AKAP8L: variants seen among roughly 807,000 people sequenced by gnomAD.
AKAP8L encodes A-kinase anchor protein 8-like.
In AKAP8L, 34 loss-of-function variants were observed where a neutral mutation model predicts 77.5. The observed-to-expected ratio is 0.44, with a 90% CI of 0.33 to 0.58. The LOEUF is 0.58. Ranked by LOEUF, AKAP8L falls within the 20% of genes least tolerant of loss-of-function variation. The pLI is 0.02. For synonymous variants in AKAP8L, 342 were observed against 340.7 expected (o/e 1.00, Z -0.04); for missense variants, 806 against 887.6 (o/e 0.91, Z 1.17).
intron 1 of AKAP8L, among the ~76,000 whole-genome samples, chr19:15,416,590 C>T (rs1051344613): frequency 3.3e-5 from 5 of 152,192 alleles, no homozygotes; most frequent in Non-Finnish European, 7.3e-5. Flanking sequence ...CTAAATGTAA[C>T]CTCATGATAT....
intron 1 of AKAP8L, among the ~76,000 whole-genome samples, chr19:15,411,532 G>A (rs566515318): frequency 6.6e-6 from 1 of 152,148 alleles, no homozygotes; most frequent in East Asian, 1.9e-4. Context: ...GCTGAGGTGG[G>A]AGTGTCACTT....
rs775633147 is a variant in AKAP8L, at chr19:15,399,458, G to A, written c.1049-48C>T. On this transcript the variant is annotated intron_variant, in intron 8 of 13. Transcript: ENST00000397410. The surrounding 1 kb of genome is among the most constrained non-coding windows in gnomAD (Gnocchi z 6.1). ...TCACCAATTTGGCTCTGCCAGGACA[G>A]GGCAGGCCCTGCGGCCTCTGGCTGA... 7.0e-7 allele frequency: 1 copy of A among 1,438,664 alleles called. No individual in the cohort carries two copies. The highest frequency in any genetic ancestry group is 1.4e-5 in the African/African-American group (1 of 71,656). 89.1% of individuals were successfully genotyped at this position (1,438,664 alleles called of 1,614,324 possible).
Position 15,410,579 on chromosome 19 carries a change from G to C in AKAP8L, c.29C>G (p.Ser10Cys). The C allele has an allele frequency of 6.3e-7, 1 of 1,593,168 alleles. No individual in the cohort carries two copies. The highest frequency in any genetic ancestry group is 1.1e-5 in the South Asian group (1 of 86,998). ...GTATGTCGACTGCAAAGTGGTTTCA[G>C]ATCCCTGGACAAAGCCTAAACATAA... The part of the protein sequence containing the change: MSYTGFVQG[S>C]ETTLQSTYSD... The change falls in exon 2 of 14, where the codon TCT becomes TGT. Residue 10 changes from serine to cysteine, a missense_variant. Transcript: ENST00000397410.
rs34186640 is a variant in AKAP8L at position 15,399,958 on chromosome 19, C to T, written c.1048+337G>A. 1,827 of 424,472 alleles carry T rather than the reference C, an allele frequency of 4.3e-3. 5 individuals carry two copies. Among genetic ancestry groups the T allele is most frequent in the Middle Eastern group, 0.016 (24 of 1,494 alleles). 26.3% of individuals were successfully genotyped at this position (424,472 alleles called of 1,614,324 possible). Reference sequence around the variant, plus strand: ...CCGAGGGTCCCAGATCGGACACCAGCCACTGAGGACTTGGAACTGCGCGTT... The same window carrying T: ...CCGAGGGTCCCAGATCGGACACCAGTCACTGAGGACTTGGAACTGCGCGTT... On this transcript the variant is annotated intron_variant, in intron 8 of 13. Coordinates refer to ENST00000397410, the MANE Select transcript of AKAP8L (RefSeq NM_014371.4). This position sits in a 1 kb window ranked among gnomAD's most constrained non-coding sequence, Gnocchi z 6.1.
At position 15,401,807 on chromosome 19, in the gene AKAP8L, C is replaced by T. The variant is rs1468961414; in HGVS notation, c.363-204G>A. On this transcript the variant is annotated intron_variant, in intron 4 of 13. Transcript: ENST00000397410. This position sits in a 1 kb window ranked among gnomAD's most constrained non-coding sequence, Gnocchi z 6.2. ...TGCCCCAAACTTGAATGTAGCCACA[C>T]ACTGGCTTGGGGACCCTAAGAAGGA... Among the ~76,000 whole-genome samples, 1 of 152,238 alleles carries T rather than the reference C, an allele frequency of 6.6e-6. No individual in the cohort carries two copies. The highest frequency in any genetic ancestry group is 1.5e-5 in the Non-Finnish European group (1 of 68,042).
At chr19:15,392,896 C>CAAAAAGAAAAAAA (rs1967692509) in intron 12 of AKAP8L, among the ~76,000 whole-genome samples, 1 of 43,136 alleles carries the variant, frequency 2.3e-5, no homozygotes, top group Non-Finnish European at 3.8e-5. Flanking sequence ...AACTCTGTCT[C>CAAAAAGAAAAAAA]AAAAAAAAAA....
Position 15,399,054 on chromosome 19 carries a change from A to G in AKAP8L, c.1157+248T>C, listed in dbSNP as rs990224159. 25 of 530,002 alleles carry G rather than the reference A, an allele frequency of 4.7e-5. No homozygotes were observed. The highest frequency in any genetic ancestry group is 4.3e-4 in the South Asian group (21 of 49,106). The allele number at this position is 530,002 out of a possible 1,614,324, so 32.8% of individuals were successfully genotyped here. A position where few individuals can be genotyped will look rare whatever the true frequency, so the allele number is the denominator to read the frequency against. ...TGACCTAGCGCCAGAGCTTCTGAGCAACGGTGCCGAGCGGTGTCAGGTCTC... is the reference window on the plus strand; with the variant it reads ...TGACCTAGCGCCAGAGCTTCTGAGCGACGGTGCCGAGCGGTGTCAGGTCTC... On this transcript the variant is annotated intron_variant, in intron 9 of 13. Transcript: ENST00000397410. This position sits in a 1 kb window ranked among gnomAD's most constrained non-coding sequence, Gnocchi z 6.1.
At position 15,401,940 on chromosome 19, in the gene AKAP8L, A is replaced by T. The variant is rs1303913504; in HGVS notation, c.363-337T>A. ...CATGTACACCATCTGTGGGAGCTGC[A>T]ACGCCCAAGGCTGCTCCTCACAGGG... On this transcript the variant is annotated intron_variant, in intron 4 of 13. Transcript: ENST00000397410. The surrounding 1 kb of genome is among the most constrained non-coding windows in gnomAD (Gnocchi z 6.2). Among the ~76,000 whole-genome samples the T allele has an allele frequency of 2.6e-5, 4 of 152,198 alleles. No homozygotes were observed. The highest frequency in any genetic ancestry group is 9.6e-5 in the African/African-American group (4 of 41,452).
At position 15,399,652 on chromosome 19, in the gene AKAP8L, CT is replaced by C; in HGVS notation, c.1049-243del. The C allele has an allele frequency of 1.8e-6, 1 of 548,824 alleles. No individual in the cohort carries two copies. The highest frequency in any genetic ancestry group is 2.1e-5 in the South Asian group (1 of 48,652). The allele number at this position is 548,824 out of a possible 1,614,324, so 34.0% of individuals were successfully genotyped here. Reference sequence around the variant, plus strand: ...CTCCACTCTCCAGGACACCCATGCTCTCTGTGCAGTGGGCCAGGAGGAGGCT... The same window carrying C: ...CTCCACTCTCCAGGACACCCATGCTCCTGTGCAGTGGGCCAGGAGGAGGCT... On this transcript the variant is annotated intron_variant, in intron 8 of 13. Transcript: ENST00000397410. This position sits in a 1 kb window ranked among gnomAD's most constrained non-coding sequence, Gnocchi z 6.1.
At chr19:15,393,816 T>A (rs778173937) in intron 12 of AKAP8L, among the ~76,000 whole-genome samples, 4 of 150,792 alleles carry the variant, frequency 2.7e-5, no homozygotes, top group Non-Finnish European at 5.9e-5. Flanking sequence ...GCTAGGAGAA[T>A]TGCTTGGACC....
intron 2 of AKAP8L, among the ~76,000 whole-genome samples, chr19:15,407,914 T>C (rs1397983068): frequency 6.6e-6 from 1 of 152,236 alleles, no homozygotes. Flanking sequence ...AAAATTTATA[T>C]GCAAAAGCAA....
intron 1 of AKAP8L, among the ~76,000 whole-genome samples, chr19:15,412,135 G>C (rs977928395): frequency 6.6e-6 from 1 of 152,142 alleles, no homozygotes; most frequent in African/African-American, 2.4e-5. Context: ...TTGAACCCAG[G>C]AGGCAGAGGT....
At chr19:15,409,217 A>G (rs984080785) in intron 2 of AKAP8L, among the ~76,000 whole-genome samples, 2 of 152,248 alleles carry the variant, frequency 1.3e-5, no homozygotes, top group African/African-American at 4.8e-5. Flanking sequence ...GACAAGCCAC[A>G]GTCTGGGAGA....
intron 12 of AKAP8L, among the ~76,000 whole-genome samples, chr19:15,384,177 T>C (rs1041362777): frequency 9.2e-5 from 14 of 151,468 alleles, no homozygotes; most frequent in Admixed American, 2.0e-4. Context: ...GTGATTCACC[T>C]GCCTCCGCCT....
Position 15,401,147 on chromosome 19 carries a change from C to A in AKAP8L, c.816+3G>T. 1.2e-6 allele frequency: 2 copies of A among 1,605,254 alleles called. No homozygotes were observed. Among genetic ancestry groups the A allele is most frequent in the Non-Finnish European group, 1.7e-6 (2 of 1,177,260 alleles). Reference sequence around the variant, plus strand: ...CCCAGAGGGGAAGGCTGCCTCCACTCACTCGGAAGTCGGCTGTGGTCCAGG... The same window carrying A: ...CCCAGAGGGGAAGGCTGCCTCCACTAACTCGGAAGTCGGCTGTGGTCCAGG... On this transcript the variant is annotated splice_donor_region_variant and intron_variant, in intron 5 of 13. Coordinates refer to ENST00000397410, the MANE Select transcript of AKAP8L (RefSeq NM_014371.4). The surrounding 1 kb of genome is among the most constrained non-coding windows in gnomAD (Gnocchi z 6.2).
In AKAP8L at chr19:15,397,886, C is replaced by T. The variant is rs747704917; in HGVS notation, c.1158-31G>A. 1.9e-6 allele frequency: 3 copies of T among 1,607,958 alleles called. No homozygotes were observed. Among genetic ancestry groups the T allele is most frequent in the Non-Finnish European group, 2.5e-6 (3 of 1,177,318 alleles). Reference sequence around the variant, plus strand: ...ACAGGAAGGAAACGAGGGGCTGAGGCTGCAAGTGTCCCAGGGGATAGTGCT... The same window carrying T: ...ACAGGAAGGAAACGAGGGGCTGAGGTTGCAAGTGTCCCAGGGGATAGTGCT... On this transcript the variant is annotated intron_variant, in intron 9 of 13. Transcript: ENST00000397410. This position sits in a 1 kb window ranked among gnomAD's most constrained non-coding sequence, Gnocchi z 4.7.
chr19:15,416,748 A>T (rs1968214446), intron 1 of AKAP8L, among the ~76,000 whole-genome samples: 1 of 152,214 alleles, frequency 6.6e-6, no homozygotes, highest in South Asian at 2.1e-4. Context: ...GCTGTTTACC[A>T]CTGCTCTCCT....
chr19:15,394,740 G>A (rs1035931857), intron 12 of AKAP8L, among the ~76,000 whole-genome samples: 12 of 152,044 alleles, frequency 7.9e-5, no homozygotes, highest in South Asian at 2.1e-4. Context: ...CTTTAAATGC[G>A]TGAATTGTAC....
At chr19:15,392,531 C>CA (rs954855883) in intron 12 of AKAP8L, among the ~76,000 whole-genome samples, 1 of 150,824 alleles carries the variant, frequency 6.6e-6, no homozygotes, top group African/African-American at 2.4e-5. Flanking sequence ...TATACACATG[C>CA]AAAAAAAATC....
Sources: gnomAD v4.1 joint callset for allele counts (sites outside exome capture counted in the v4.1 genomes callset) on GRCh38, gnomAD v4.1.1 for gene constraint, Gnocchi (gnomAD v3.1) non-coding constraint, MANE v1.5 for transcripts, NCBI Gene and HGNC (gene_info 2026-07-23, HGNC 2026-07-21) for gene names.